Variants in NGDN observed in about 807,000 individuals in gnomAD.
NGDN encodes neuroguidin.
Under a neutral mutation model 45.2 loss-of-function variants are expected in NGDN, and 41 were observed. That is an observed-to-expected ratio of 0.91 (90% CI 0.71 to 1.18). The LOEUF (loss-of-function observed/expected upper bound fraction) is 1.18. NGDN is among the 50% of genes most tolerant of loss of function. The pLI is 0.00. For missense variants in NGDN, 402 were observed against 399.9 expected (o/e 1.01, Z -0.05); for synonymous variants, 137 against 130.9 (o/e 1.05, Z -0.32).
chr14:23,478,793 T>C (rs1406329736), downstream of NGDN: 18 of 14,500 alleles, frequency 1.2e-3, no homozygotes, highest in African/African-American at 4.4e-3. Context: ...AACCCTTCTA[T>C]AAAGAGCTGG....
rs767502094 is a variant in NGDN, at chr14:23,476,048, A to T, written c.440A>T (p.Glu147Val). ...MMSKLSSEDE[E>V]EDEAEDDQSE... The stretch of plus-strand genomic sequence containing the variant: ...TTGTAGTTGAGCTCTGAGGATGAGG[A>T]GGAAGATGAAGCAGAAGATGACCAG... Residue 147 changes from glutamate to valine, a missense_variant, in exon 7 of 11, where the codon GAG (glutamate) becomes GTG (valine). Coordinates refer to ENST00000408901, the MANE Select transcript of NGDN (RefSeq NM_001042635.2). 1 of 1,614,094 alleles carries T rather than the reference A, an allele frequency of 6.2e-7. No individual in the cohort carries two copies. Among genetic ancestry groups the T allele is most frequent in the Non-Finnish European group, 8.5e-7 (1 of 1,179,988 alleles).
intron 10 of NGDN, 128 bp from the exon 11 acceptor site, chr14:23,477,879 G>GA: frequency 6.4e-7 from 1 of 1,569,980 alleles, no homozygotes; most frequent in Non-Finnish European, 8.6e-7. Context: ...TTTGTCCTGG[G>GA]AAGATATTCA....
chr14:23,477,517 TAAG>T lies in NGDN; in HGVS notation c.889_891del (p.Lys297del), dbSNP rs753225915. ...TCTGTCTCCAGGATCAGAATCCTAT[TAAG>T]AAGCGGAAGAAGATACCTCAGAAAG... On this transcript the variant is annotated inframe_deletion, in exon 10 of 11. Transcript: ENST00000408901. The T allele has an allele frequency of 1.5e-5, 24 of 1,614,134 alleles. No individual in the cohort carries two copies. The highest frequency in any genetic ancestry group is 5.0e-5 in the Admixed American group (3 of 60,014).
intron 3 of NGDN, 191 bp downstream of exon 3, chr14:23,471,168 A>G: frequency 2.4e-6 from 1 of 411,194 alleles, no homozygotes. Flanking sequence ...TAGCAGTCAC[A>G]TTACAGAGTT....
In NGDN at chr14:23,477,286, C is replaced by A. The variant is rs1487301485; in HGVS notation, c.800C>A (p.Ser267Ter). 1 of 1,614,070 alleles carries A rather than the reference C, an allele frequency of 6.2e-7. No homozygotes were observed. Among genetic ancestry groups the A allele is most frequent in the Non-Finnish European group, 8.5e-7 (1 of 1,180,044 alleles). Residue 267 changes from serine to a stop codon, truncating the protein, a stop_gained, in exon 9 of 11, where the codon TCA becomes TAA. Coordinates refer to ENST00000408901, the MANE Select transcript of NGDN (RefSeq NM_001042635.2). LOFTEE classifies it high-confidence loss of function. ...GRRKRANVMS[S>*]QLHSLTHFSD... ...CGAAAACGAGCAAATGTCATGAGCTCACAACTTCATTCCCTTACACACTTC... is the reference window on the plus strand; with the variant it reads ...CGAAAACGAGCAAATGTCATGAGCTAACAACTTCATTCCCTTACACACTTC...
chr14:23,477,641 G>T, intron 10 of NGDN, 81 bp downstream of exon 10: 2 of 1,593,764 alleles, frequency 1.3e-6, no homozygotes, highest in Non-Finnish European at 1.7e-6. Context: ...GCCATTCTGG[G>T]TCTCACCAAG....
intron 1 of NGDN, 92 bp downstream of exon 1, chr14:23,469,819 G>A: frequency 6.5e-7 from 1 of 1,539,114 alleles, no homozygotes; most frequent in Non-Finnish European, 8.9e-7. Context: ...ACCAGGGAAG[G>A]GTGGTGATGA....
In NGDN at chr14:23,477,066, A is replaced by G; in HGVS notation, c.714-134A>G. Reference sequence around the variant, plus strand: ...AGCATTCAATATGTCCTTACTAAATACTATGTTGATCTGCTGTGAAACTTC... The same window carrying G: ...AGCATTCAATATGTCCTTACTAAATGCTATGTTGATCTGCTGTGAAACTTC... On this transcript the variant is annotated intron_variant, in intron 8 of 10. Coordinates refer to ENST00000408901, the MANE Select transcript of NGDN (RefSeq NM_001042635.2). 2.5e-5 allele frequency: 18 copies of G among 729,932 alleles called. No individual in the cohort carries two copies. The South Asian group carries it at 2.7e-4, about 11-fold the overall frequency. The allele number at this position is 729,932 out of a possible 1,614,324, so 45.2% of individuals were successfully genotyped here. A position where few individuals can be genotyped will look rare whatever the true frequency, so the allele number is the denominator to read the frequency against.
chr14:23,477,689 T>G, intron 10 of NGDN, 129 bp downstream of exon 10: 1 of 1,490,098 alleles, frequency 6.7e-7, no homozygotes, highest in Non-Finnish European at 8.9e-7. Context: ...AATAATCTCC[T>G]TAGGTGGGCT....
chr14:23,476,968 A>T (rs1168558683), intron 8 of NGDN, among the ~76,000 whole-genome samples: 1 of 152,244 alleles, frequency 6.6e-6, no homozygotes, highest in Non-Finnish European at 1.5e-5. Flanking sequence ...TATTGTGGAT[A>T]GGCTATGGAT....
rs1419050179 is a variant in NGDN, at chr14:23,477,371, T to A, written c.870+15T>A. The A allele has an allele frequency of 1.9e-6, 3 of 1,613,998 alleles. No individual in the cohort carries two copies. The highest frequency in any genetic ancestry group is 4.5e-5 in the East Asian group (2 of 44,880). On this transcript the variant is annotated intron_variant, in intron 9 of 10. Transcript: ENST00000408901. ...ATCTTGATGAGGTGAGGTTGAGATA[T>A]GGTTGTAGTAGGATGTGACTTTCAT...
chr14:23,475,299 G>T lies in NGDN; in HGVS notation c.273G>T (p.Glu91Asp). Residue 91 changes from glutamate to aspartate, a missense_variant, in exon 4 of 11, where the codon GAG (glutamate) becomes GAT (aspartate). Physicochemically the swap from Glu to Asp is conservative, Grantham distance 45. Coordinates refer to ENST00000408901, the MANE Select transcript of NGDN (RefSeq NM_001042635.2). ...ATGATGCAGTTTTGAGACTGGTGGA[G>T]ATTCGCACGGTATGAAGCATTTGGC... ...QGHDAVLRLV[E>D]IRTVLEKLRP... 6.2e-7 allele frequency: 1 copy of T among 1,611,970 alleles called. No individual in the cohort carries two copies. Among genetic ancestry groups the T allele is most frequent in the South Asian group, 1.1e-5 (1 of 90,496 alleles).
At chr14:23,470,271 C>G (rs576581760) in intron 2 of NGDN, 170 bp downstream of exon 2, 54 of 595,642 alleles carry the variant, frequency 9.1e-5, no homozygotes, top group Non-Finnish European at 1.4e-4. Flanking sequence ...GATTCTGCAC[C>G]CAAGGGAATA....
chr14:23,470,196 C>A, intron 2 of NGDN, 95 bp downstream of exon 2: 2 of 1,042,898 alleles, frequency 1.9e-6, no homozygotes, highest in Middle Eastern at 4.2e-4. Context: ...TACGTGAATG[C>A]TTCCAAAAAC....
chr14:23,477,974 C>G, intron 10 of NGDN, 33 bp from the exon 11 acceptor site: 1 of 1,614,140 alleles, frequency 6.2e-7, no homozygotes, highest in Non-Finnish European at 8.5e-7. Context: ...TCCAACTGTC[C>G]TTTGCCTCAT....
chr14:23,470,150 T>G, intron 2 of NGDN, 49 bp downstream of exon 2: 1 of 1,520,370 alleles, frequency 6.6e-7, no homozygotes, highest in Non-Finnish European at 9.1e-7. Context: ...TGGCTTTGAG[T>G]TTGTGTACTT....
intron 8 of NGDN, 102 bp downstream of exon 8, chr14:23,476,509 A>G (rs1445505469): frequency 8.4e-6 from 9 of 1,073,288 alleles, no homozygotes; most frequent in South Asian, 3.9e-5. Context: ...TTAATGTTAC[A>G]TAGAAAATGG....
rs140579761 is a variant in NGDN at position 23,475,602 on chromosome 14, A to G, written c.327A>G (p.Gln109=). ...CCTTGGACCAAAAGCTGAAGTATCA[A>G]ATTGACAAGCTGATCAAGACTGCAG... The part of the protein sequence containing the change: ...LRPLDQKLKY[Q]IDKLIKTAVT... The change falls in exon 5 of 11, where the codon CAA becomes CAG. Residue 109 remains glutamine, a synonymous_variant. Transcript: ENST00000408901. 63 of 1,614,108 alleles carry G rather than the reference A, an allele frequency of 3.9e-5. No homozygotes were observed. In the African/African-American group the frequency reaches 6.7e-4, roughly 17 times the overall value.
At chr14:23,475,536 C>G in intron 4 of NGDN, 22 bp from the exon 5 acceptor site, 1 of 1,609,334 alleles carries the variant, frequency 6.2e-7, no homozygotes, top group East Asian at 2.2e-5. Context: ...AAATATAATC[C>G]TGATTAACTA....
Sources: allele counts gnomAD v4.1 joint callset (sites outside exome capture counted in the v4.1 genomes callset), GRCh38; gene constraint gnomAD v4.1.1; transcripts MANE v1.5; gene names NCBI Gene and HGNC (gene_info 2026-07-23, HGNC 2026-07-21).